Variants in MRPL13 observed in about 807,000 individuals in gnomAD.
MRPL13 encodes mitochondrial ribosomal protein L13, also known as large ribosomal subunit protein uL13m.
In MRPL13, 33 loss-of-function variants were observed where a neutral mutation model predicts 29.0. The ratio of observed to expected loss-of-function variants is 1.14; its 90% CI spans 0.86 to 1.52. The LOEUF (loss-of-function observed/expected upper bound fraction) is 1.52. MRPL13 is among the 40% of genes most tolerant of loss of function. The pLI is 0.00. For missense variants in MRPL13, 227 were observed against 216.7 expected (o/e 1.05, Z -0.30); for synonymous variants, 77 against 68.4 (o/e 1.13, Z -0.62).
At chr8:120,419,229 G>T (rs529259987) in intron 5 of MRPL13, among the ~76,000 whole-genome samples, 1 of 151,756 alleles carries the variant, frequency 6.6e-6, no homozygotes, top group African/African-American at 2.4e-5. Context: ...GTAAATAATG[G>T]GGCACAGATT....
chr8:120,420,580 C>T (rs960038875), intron 4 of MRPL13, among the ~76,000 whole-genome samples: 6 of 150,724 alleles, frequency 4.0e-5, no homozygotes, highest in African/African-American at 1.2e-4. Context: ...TTCAAGTGGT[C>T]GGTTGACATG....
chr8:120,443,597 T>C (rs1015516815), intron 1 of MRPL13, among the ~76,000 whole-genome samples: 2 of 151,850 alleles, frequency 1.3e-5, no homozygotes. Context: ...CCCAAAGATA[T>C]ATTTCCCTTT....
At chr8:120,411,652 G>A (rs537970734) in intron 6 of MRPL13, among the ~76,000 whole-genome samples, 3 of 152,180 alleles carry the variant, frequency 2.0e-5, no homozygotes, top group African/African-American at 7.2e-5. Context: ...TAACATATGC[G>A]TGTGACTATT....
At chr8:120,437,039 T>G (rs980117912) in intron 2 of MRPL13, among the ~76,000 whole-genome samples, 8 of 152,128 alleles carry the variant, frequency 5.3e-5, no homozygotes, top group African/African-American at 1.9e-4. Flanking sequence ...ACAATATCAA[T>G]ATAGTCACTT....
At chr8:120,420,438 G>A (rs1014180541) in intron 4 of MRPL13, among the ~76,000 whole-genome samples, 4 of 146,938 alleles carry the variant, frequency 2.7e-5, no homozygotes, top group African/African-American at 9.9e-5. Flanking sequence ...GTCATTTAAT[G>A]TATGTAAATA....
chr8:120,418,193 T>G (rs1027620965), intron 5 of MRPL13, among the ~76,000 whole-genome samples: 2 of 152,126 alleles, frequency 1.3e-5, no homozygotes, highest in Admixed American at 1.3e-4. Flanking sequence ...TAACAATATA[T>G]CCTGGAAAGT....
In MRPL13 at chr8:120,431,883, T is replaced by G. The variant is rs1207787021; in HGVS notation, c.245+147A>C. 2.1e-5 allele frequency: 11 copies of G among 521,998 alleles called. No individual in the cohort carries two copies. The East Asian group carries it at 3.7e-4, about 18-fold the overall frequency. The allele number at this position is 521,998 out of a possible 1,614,324, so 32.3% of individuals were successfully genotyped here. ...GGTATAGTTGTGTGGTTTTTAAAAA[T>G]TGAGTAAATTATATACATGGCATGA... On this transcript the variant is annotated intron_variant, in intron 3 of 6. Transcript: ENST00000306185.
Position 120,432,103 on chromosome 8 carries a change from C to G in MRPL13, c.172G>C (p.Val58Leu). Residue 58 changes from valine (V) to leucine (L), a missense_variant, in exon 3 of 7, where the codon GTT becomes CTT. Transcript: ENST00000306185. ...GCAATGTGTCTTGTGTTCATTATAA[C>G]AACATGATCCCCACAGTCACCTACA... Reference protein sequence around the residue: ...HALSDCGDHVVIMNTRHIAFS... With the variant: ...HALSDCGDHVLIMNTRHIAFS... The G allele has an allele frequency of 6.2e-7, 1 of 1,601,404 alleles. No homozygotes were observed. Among genetic ancestry groups the G allele is most frequent in the Non-Finnish European group, 8.5e-7 (1 of 1,174,662 alleles).
intron 2 of MRPL13, among the ~76,000 whole-genome samples, chr8:120,441,383 A>C (rs1254395824): frequency 6.6e-6 from 1 of 152,196 alleles, no homozygotes; most frequent in African/African-American, 2.4e-5. Flanking sequence ...GCATGAGAAG[A>C]GGTTCAAGGA....
chr8:120,396,187 A>T, intron 6 of MRPL13, 62 bp from the exon 7 acceptor site: 1 of 1,249,250 alleles, frequency 8.0e-7, no homozygotes, highest in Non-Finnish European at 1.1e-6. Context: ...CTGACTGATG[A>T]GGATTATTTT....
chr8:120,428,126 T>TA lies in MRPL13; in HGVS notation c.246-2761dup, dbSNP rs144856034. ...AGTAACCAAAACAGCATGGTACTGA[T>TA]AAAAAAAAAAAAAAAAAAAAACCAG... is the stretch of plus-strand genomic sequence containing the variant. On this transcript the variant is annotated intron_variant, in intron 3 of 6. Coordinates refer to ENST00000306185, the MANE Select transcript of MRPL13 (RefSeq NM_014078.6). 6.1e-3 allele frequency among the ~76,000 whole-genome samples: 668 copies of TA among 110,344 alleles called. 10 individuals are homozygous for TA. Among genetic ancestry groups the TA allele is most frequent in the African/African-American group, 0.018 (554 of 30,072 alleles). 72.4% of individuals were successfully genotyped at this position (110,344 alleles called of 152,430 possible). A position where few individuals can be genotyped will look rare whatever the true frequency, so the allele number is the denominator to read the frequency against.
intron 1 of MRPL13, 150 bp from the exon 2 acceptor site, chr8:120,443,458 A>C: frequency 1.1e-6 from 1 of 874,988 alleles, no homozygotes; most frequent in Non-Finnish European, 1.6e-6. Flanking sequence ...CTATTGCTAA[A>C]GAATTTTTGT....
At chr8:120,444,402 A>C (rs1384695624) in intron 1 of MRPL13, among the ~76,000 whole-genome samples, 1 of 151,926 alleles carries the variant, frequency 6.6e-6, no homozygotes, top group Non-Finnish European at 1.5e-5. Flanking sequence ...TTGATGACAC[A>C]CCCTCCAGTT....
Position 120,395,483 on chromosome 8 carries a change from T to C in MRPL13, c.*621A>G, listed in dbSNP as rs1456332403. 1 of 152,190 alleles carries C rather than the reference T, an allele frequency of 6.6e-6. No individual in the cohort carries two copies. The highest frequency in any genetic ancestry group is 1.5e-5 in the Non-Finnish European group (1 of 68,170). The allele number at this position is 152,190 out of a possible 1,614,324, so 9.4% of individuals were successfully genotyped here. On this transcript the variant is annotated 3_prime_UTR_variant, in exon 7 of 7. Transcript: ENST00000306185. ...CAACAGGACAGATATGGGAAAACAG[T>C]GTGGAGAGTCTACAAACAGAATCAC... is the stretch of plus-strand genomic sequence containing the variant.
intron 6 of MRPL13, among the ~76,000 whole-genome samples, chr8:120,401,631 C>T (rs924653394): frequency 1.3e-5 from 2 of 152,060 alleles, no homozygotes; most frequent in Non-Finnish European, 2.9e-5. Flanking sequence ...CTGTTCAACA[C>T]AGTACTGGAA....
chr8:120,418,381 G>A (rs1393599412), intron 5 of MRPL13, among the ~76,000 whole-genome samples: 1 of 151,992 alleles, frequency 6.6e-6, no homozygotes, highest in African/African-American at 2.4e-5. Flanking sequence ...AAATGAGATT[G>A]CTGGATCAAG....
chr8:120,399,878 A>G (rs190456051), intron 6 of MRPL13, among the ~76,000 whole-genome samples: 87 of 152,252 alleles, frequency 5.7e-4, no homozygotes, highest in African/African-American at 2.0e-3. Flanking sequence ...AACCAACCAA[A>G]ATTAAAAAAG....
intron 2 of MRPL13, among the ~76,000 whole-genome samples, chr8:120,439,156 G>A (rs1813087765): frequency 1.3e-5 from 2 of 152,210 alleles, no homozygotes; most frequent in South Asian, 2.1e-4. Context: ...GTTCCCAGCT[G>A]AGGCTGAACA....
intron 6 of MRPL13, among the ~76,000 whole-genome samples, chr8:120,410,618 G>A (rs978277899): frequency 3.3e-5 from 5 of 151,966 alleles, no homozygotes; most frequent in African/African-American, 1.2e-4. Context: ...TCACTAACAC[G>A]TAATTTTATT....
Sources: allele counts gnomAD v4.1 joint callset (sites outside exome capture counted in the v4.1 genomes callset), GRCh38; gene constraint gnomAD v4.1.1; transcripts MANE v1.5; gene names NCBI Gene and HGNC (gene_info 2026-07-23, HGNC 2026-07-21).